TOPBP1: variants seen among roughly 807,000 people sequenced by gnomAD.
The protein encoded by TOPBP1 is DNA topoisomerase 2-binding protein 1.
A neutral mutation model predicts 167.7 loss-of-function variants in TOPBP1; 28 were observed. That is an observed-to-expected ratio of 0.17 (90% confidence interval 0.12 to 0.23). The LOEUF (loss-of-function observed/expected upper bound fraction) is 0.23. TOPBP1 is among the 10% of genes least tolerant of loss of function. The pLI is 1.00. For missense variants in TOPBP1, 1,554 were observed against 1,809.6 expected (o/e 0.86, Z 2.56); for synonymous variants, 598 against 611.4 (o/e 0.98, Z 0.32).
Position 133,618,312 on chromosome 3 carries a change from T to C in TOPBP1, c.3493A>G (p.Ser1165Gly), listed in dbSNP as rs773900144. 2 of 1,614,010 alleles carry C rather than the reference T, an allele frequency of 1.2e-6. No homozygotes were observed. Among genetic ancestry groups the C allele is most frequent in the Non-Finnish European group, 1.7e-6 (2 of 1,179,870 alleles). Reference protein sequence around the residue: ...ARLASNLQWPSCPTQYSELQV... With the variant: ...ARLASNLQWPGCPTQYSELQV... Reference sequence around the variant, plus strand: ...AGCTCAGAGTATTGTGTGGGACAACTAGGCCACTGCAAATTGCTGGCAAGC... The same window carrying C: ...AGCTCAGAGTATTGTGTGGGACAACCAGGCCACTGCAAATTGCTGGCAAGC... Residue 1165 changes from serine to glycine, a missense_variant, in exon 21 of 28, where the codon AGT (serine) becomes GGT (glycine). Around this residue, in one of 3 missense-constraint regions of TOPBP1, gnomAD observed 351 missense variants for 432.9 expected, o/e 0.81. Coordinates refer to ENST00000260810, the MANE Select transcript of TOPBP1 (RefSeq NM_007027.4).
chr3:133,660,942 T>A (rs1936685856), intron 2 of TOPBP1, 102 bp downstream of exon 2: 5 of 817,454 alleles, frequency 6.1e-6, no homozygotes, highest in Non-Finnish European at 9.3e-6. Flanking sequence ...AAAATTATTA[T>A]GAAAGTGAAA....
intron 27 of TOPBP1, among the ~76,000 whole-genome samples, chr3:133,607,926 T>C (rs532415519): frequency 6.6e-6 from 1 of 152,218 alleles, no homozygotes; most frequent in Non-Finnish European, 1.5e-5. Flanking sequence ...ACTTTGAGTG[T>C]TGGCCTCCCC....
chr3:133,642,771 A>C (rs531507499), intron 12 of TOPBP1, among the ~76,000 whole-genome samples: 31 of 152,296 alleles, frequency 2.0e-4, no homozygotes, highest in African/African-American at 7.0e-4. Context: ...TATAAAGGGA[A>C]ACTTTGTCGT....
chr3:133,639,272 T>C (rs1030707053), intron 13 of TOPBP1, among the ~76,000 whole-genome samples: 1 of 152,156 alleles, frequency 6.6e-6, no homozygotes, highest in Non-Finnish European at 1.5e-5. Context: ...CATGGAATAC[T>C]ATGCAGCCAG....
At chr3:133,611,545 G>A (rs1934677042) in intron 24 of TOPBP1, among the ~76,000 whole-genome samples, 1 of 152,156 alleles carries the variant, frequency 6.6e-6, no homozygotes, top group Non-Finnish European at 1.5e-5. Context: ...AGCTTACAAT[G>A]AGATAATCTT....
At chr3:133,631,164 A>C (rs1042272633) in intron 14 of TOPBP1, among the ~76,000 whole-genome samples, 2 of 152,166 alleles carry the variant, frequency 1.3e-5, no homozygotes, top group African/African-American at 4.8e-5. Context: ...ACTCCAGCCT[A>C]AGTGATAAAG....
At chr3:133,619,631 T>C (rs1935018441) in intron 20 of TOPBP1, among the ~76,000 whole-genome samples, 1 of 152,196 alleles carries the variant, frequency 6.6e-6, no homozygotes, top group African/African-American at 2.4e-5. Flanking sequence ...AAAAAGACTC[T>C]GAAAAAATAT....
chr3:133,655,502 G>T lies in TOPBP1; in HGVS notation c.546-16C>A, dbSNP rs368664930. ...AGTTATTTTTCTGTGGGAATCAAAT[G>T]GTTAAAAAAGAACATATTAAATTTA... On this transcript the variant is annotated splice_polypyrimidine_tract_variant and intron_variant, in intron 5 of 27. Coordinates refer to ENST00000260810, the MANE Select transcript of TOPBP1 (RefSeq NM_007027.4). 49 of 1,320,160 alleles carry T rather than the reference G, an allele frequency of 3.7e-5. 2 individuals are homozygous for T. The highest frequency in any genetic ancestry group is 8.3e-5 in the East Asian group (3 of 36,298). The allele number at this position is 1,320,160 out of a possible 1,614,324, so 81.8% of individuals were successfully genotyped here. A position where few individuals can be genotyped will look rare whatever the true frequency, so the allele number is the denominator to read the frequency against.
intron 27 of TOPBP1, among the ~76,000 whole-genome samples, chr3:133,605,391 A>G (rs538920833): frequency 6.7e-5 from 10 of 148,864 alleles, no homozygotes; most frequent in Non-Finnish European, 1.4e-4. Flanking sequence ...CCCTGAAAAC[A>G]ATTTTAAAAA....
In TOPBP1 at chr3:133,644,005, C is replaced by T. The variant is rs750680849; in HGVS notation, c.1848+15G>A. 27 of 1,575,372 alleles carry T rather than the reference C, an allele frequency of 1.7e-5. No homozygotes were observed. Among genetic ancestry groups the T allele is most frequent in the Non-Finnish European group, 2.2e-5 (26 of 1,162,488 alleles). ...ATCCTTCGATACTTTATTTCAACCA[C>T]TAGTGTTGTCTTACCAGCCATGTAT... On this transcript the variant is annotated intron_variant, in intron 11 of 27. Transcript: ENST00000260810.
At chr3:133,653,684 G>C (rs1936379788) in intron 6 of TOPBP1, among the ~76,000 whole-genome samples, 160 bp from the exon 7 acceptor site, 1 of 150,086 alleles carries the variant, frequency 6.7e-6, no homozygotes, top group South Asian at 2.1e-4. Flanking sequence ...CTGGAGTACA[G>C]TGGTGAGATC....
At chr3:133,628,525 C>G in intron 15 of TOPBP1, 35 bp downstream of exon 15, 1 of 1,605,114 alleles carries the variant, frequency 6.2e-7, no homozygotes, top group South Asian at 1.1e-5. Context: ...GAAATGTTAT[C>G]TAAAACTTCC....
intron 17 of TOPBP1, 27 bp downstream of exon 17, chr3:133,624,025 G>A (rs766206122): frequency 3.4e-5 from 54 of 1,601,876 alleles, no homozygotes; most frequent in Middle Eastern, 1.7e-4. Context: ...AATTAACAGA[G>A]ATGGGGGGGA....
At chr3:133,636,822 C>T (rs935679571) in intron 14 of TOPBP1, among the ~76,000 whole-genome samples, 1 of 152,180 alleles carries the variant, frequency 6.6e-6, no homozygotes, top group Non-Finnish European at 1.5e-5. Flanking sequence ...TGATCCTACA[C>T]CTCACAGTTC....
chr3:133,613,172 T>G (rs1364689328), intron 23 of TOPBP1, among the ~76,000 whole-genome samples: 2 of 152,192 alleles, frequency 1.3e-5, no homozygotes, highest in Non-Finnish European at 2.9e-5. Context: ...TGCTTAACTA[T>G]TTTAAAGCAA....
At chr3:133,613,611 G>C (rs1934756258) in intron 23 of TOPBP1, among the ~76,000 whole-genome samples, 1 of 152,082 alleles carries the variant, frequency 6.6e-6, no homozygotes, top group Admixed American at 6.6e-5. Flanking sequence ...AGATGAAGCA[G>C]CAGGTGGGAA....
chr3:133,630,164 CT>C (rs541636117), intron 14 of TOPBP1, among the ~76,000 whole-genome samples: 22 of 151,480 alleles, frequency 1.5e-4, no homozygotes, highest in African/African-American at 4.6e-4. Flanking sequence ...GGTTGTTAGT[CT>C]TTTTTTTAAT....
Position 133,653,438 on chromosome 3 carries a change from G to C in TOPBP1, c.829C>G (p.Gln277Glu). The C allele has an allele frequency of 6.2e-7, 1 of 1,612,876 alleles. No homozygotes were observed. Among genetic ancestry groups the C allele is most frequent in the Non-Finnish European group, 8.5e-7 (1 of 1,179,528 alleles). The change falls in exon 7 of 28, where the codon CAG becomes GAG. Residue 277 changes from glutamine to glutamate, a missense_variant. This residue lies in a region of TOPBP1 where 1,197 missense variants were observed against 1,351.5 expected (regional missense o/e 0.89). Transcript: ENST00000260810. ...TCTGTCTTGTATATGGATTCATCCT[G>C]ACAAAAACCTTTCTCAATACTGTCA... Reference protein sequence around the residue: ...FFDSIEKGFCQDESIYKTEPR... With the variant: ...FFDSIEKGFCEDESIYKTEPR...
intron 14 of TOPBP1, among the ~76,000 whole-genome samples, chr3:133,636,491 A>G (rs1935681092): frequency 6.6e-6 from 1 of 152,166 alleles, no homozygotes; most frequent in Non-Finnish European, 1.5e-5. Context: ...ATCAAAAAAG[A>G]AAGAAAAAAG....
Sources: allele counts gnomAD v4.1 joint callset (sites outside exome capture counted in the v4.1 genomes callset), GRCh38; gene constraint gnomAD v4.1.1; regional missense constraint gnomAD v4.1.1; transcripts MANE v1.5; gene names NCBI Gene and HGNC (gene_info 2026-07-23, HGNC 2026-07-21).